Variants in PDZD2 observed in about 807,000 individuals in gnomAD.
The protein encoded by PDZD2 is PDZ domain-containing protein 2.
Under a neutral mutation model 220.7 loss-of-function variants are expected in PDZD2, and 90 were observed. The ratio of observed to expected loss-of-function variants is 0.41; its 90% confidence interval spans 0.34 to 0.49. The LOEUF is 0.49. Ranked by LOEUF, PDZD2 falls within the 20% of genes least tolerant of loss-of-function variation. The probability of loss-of-function intolerance (pLI) is 0.28; values close to 1 mark genes in which losing one functional copy is unlikely to be tolerated. For synonymous variants in PDZD2, 1,375 were observed against 1,450.5 expected (o/e 0.95, Z 1.18); for missense variants, 3,174 against 3,608.5 (o/e 0.88, Z 3.08).
intron 22 of PDZD2, among the ~76,000 whole-genome samples, chr5:32,097,984 T>C (rs949110790): frequency 5.9e-5 from 9 of 152,238 alleles, no homozygotes; most frequent in African/African-American, 2.2e-4. Flanking sequence ...CCCGGCACGG[T>C]GGCTCACGCC....
intron 2 of PDZD2, among the ~76,000 whole-genome samples, chr5:31,933,350 G>T (rs1745466450): frequency 2.0e-5 from 3 of 152,136 alleles, no homozygotes; most frequent in African/African-American, 7.2e-5. Context: ...TGCTTAGATG[G>T]CTTCCACCTT....
At chr5:31,943,693 G>T (rs997833675) in intron 2 of PDZD2, among the ~76,000 whole-genome samples, 3 of 152,230 alleles carry the variant, frequency 2.0e-5, no homozygotes, top group Non-Finnish European at 2.9e-5. Context: ...AGAAGGAAGT[G>T]ATTTGACCAG....
chr5:32,097,163 C>A, intron 21 of PDZD2, 116 bp from the exon 22 acceptor site: 1 of 698,600 alleles, frequency 1.4e-6, no homozygotes, highest in Non-Finnish European at 2.5e-6. Context: ...GGTGAAAAGC[C>A]CCTCCAAGAG....
chr5:31,779,167 C>A (rs965663821), intron 1 of PDZD2, among the ~76,000 whole-genome samples: 1 of 152,102 alleles, frequency 6.6e-6, no homozygotes. Context: ...CTCCCAGCCC[C>A]ACCACTGCAC....
chr5:31,664,507 C>A (rs1745906168), intron 1 of PDZD2, among the ~76,000 whole-genome samples: 1 of 152,006 alleles, frequency 6.6e-6, no homozygotes, highest in African/African-American at 2.4e-5. Flanking sequence ...CACACATACA[C>A]ACACACAGAA....
chr5:31,972,709 C>T (rs983445751), intron 2 of PDZD2, among the ~76,000 whole-genome samples: 2 of 152,154 alleles, frequency 1.3e-5, no homozygotes, highest in African/African-American at 4.8e-5. Context: ...AAATGAGTTC[C>T]TACATATGTG....
intron 1 of PDZD2, among the ~76,000 whole-genome samples, chr5:31,759,322 G>C (rs1482171778): frequency 6.6e-6 from 1 of 152,112 alleles, no homozygotes; most frequent in African/African-American, 2.4e-5. Flanking sequence ...GAGGCTTCGG[G>C]GGGAGTGCAG....
chr5:31,642,673 A>G (rs55648115), intron 1 of PDZD2, among the ~76,000 whole-genome samples: 1 of 152,292 alleles, frequency 6.6e-6, no homozygotes, highest in Non-Finnish European at 1.5e-5. Flanking sequence ...GAGAGTAGAG[A>G]AGCTAGATCA....
At chr5:32,054,158 G>A (rs1469630875) in intron 10 of PDZD2, among the ~76,000 whole-genome samples, 1 of 151,930 alleles carries the variant, frequency 6.6e-6, no homozygotes, top group East Asian at 1.9e-4. Flanking sequence ...TGTCAACTTG[G>A]TCTGATCATG....
rs1159280408 is a variant in PDZD2, at chr5:32,108,555, A to C, written c.*420A>C. The C allele has an allele frequency of 6.7e-6, 1 of 150,348 alleles. No individual in the cohort carries two copies. 9.3% of individuals were successfully genotyped at this position (150,348 alleles called of 1,614,324 possible). ...GGGGGACACAAATGTCACACCTAAG[A>C]GGACAATCAATCATTTTGTATGATT... is the stretch of plus-strand genomic sequence containing the variant. On this transcript the variant is annotated 3_prime_UTR_variant, in exon 25 of 25. Transcript: ENST00000438447.
intron 2 of PDZD2, among the ~76,000 whole-genome samples, chr5:31,893,459 C>T (rs1741248164): frequency 2.0e-5 from 3 of 152,116 alleles, no homozygotes; most frequent in Admixed American, 1.3e-4. Context: ...GTCCCAGCTA[C>T]TCAGGAGGGC....
intron 2 of PDZD2, among the ~76,000 whole-genome samples, chr5:31,853,016 A>T (rs1758149758): frequency 6.6e-6 from 1 of 152,224 alleles, no homozygotes; most frequent in Non-Finnish European, 1.5e-5. Flanking sequence ...TCAGAAAGGA[A>T]GCAAAGGAGC....
At chr5:32,025,182 A>G (rs1754535161) in intron 6 of PDZD2, among the ~76,000 whole-genome samples, 1 of 152,234 alleles carries the variant, frequency 6.6e-6, no homozygotes, top group African/African-American at 2.4e-5. Context: ...AGGAGCTCAT[A>G]TTGATCTGGG....
At chr5:32,046,972 G>A (rs1188856492) in intron 7 of PDZD2, among the ~76,000 whole-genome samples, 1 of 152,090 alleles carries the variant, frequency 6.6e-6, no homozygotes. Context: ...GAACCTGGGA[G>A]GTGGAGGTTG....
Position 32,014,706 on chromosome 5 carries a change from C to CTTTTTTTTTTTTTTTTTTTTTTTTT in PDZD2, c.1407+4228_1407+4252dup, listed in dbSNP as rs556276502. The stretch of plus-strand genomic sequence containing the variant: ...ATTTTCTGCTCTGCAATGACAATTT[C>CTTTTTTTTTTTTTTTTTTTTTTTTT]TTTTTTTTTTTTTTTTTTTTTTTTT... On this transcript the variant is annotated intron_variant, in intron 6 of 24. Transcript: ENST00000438447. 3.1e-4 allele frequency among the ~76,000 whole-genome samples: 30 copies of CTTTTTTTTTTTTTTTTTTTTTTTTT among 95,426 alleles called. 7 individuals carry two copies. The highest frequency in any genetic ancestry group is 1.3e-3 in the African/African-American group (29 of 22,902). 62.6% of individuals were successfully genotyped at this position (95,426 alleles called of 152,430 possible). A position where few individuals can be genotyped will look rare whatever the true frequency, so the allele number is the denominator to read the frequency against.
intron 2 of PDZD2, among the ~76,000 whole-genome samples, chr5:31,839,054 G>T (rs557240850): frequency 6.6e-6 from 1 of 152,316 alleles, no homozygotes; most frequent in East Asian, 1.9e-4. Flanking sequence ...TTGGGTGCCT[G>T]TTCTGCGTAC....
chr5:31,645,158 C>T (rs1745087702), intron 1 of PDZD2, among the ~76,000 whole-genome samples: 1 of 152,114 alleles, frequency 6.6e-6, no homozygotes, highest in Non-Finnish European at 1.5e-5. Flanking sequence ...AATCTCTTGC[C>T]TTCAGGGAGG....
At chr5:31,905,642 CAG>C (rs1193315353) in intron 2 of PDZD2, among the ~76,000 whole-genome samples, 3 of 152,208 alleles carry the variant, frequency 2.0e-5, no homozygotes, top group African/African-American at 7.2e-5. Flanking sequence ...TTTCTCACTA[CAG>C]AGTTAACCTT....
chr5:32,000,420 C>A lies in PDZD2; in HGVS notation c.1254+149C>A. ...TTGAAACAGCCTTGCTTCCACAGGGCAACGCTATATGGAGACCCTTAGCTG... is the reference window on the plus strand; with the variant it reads ...TTGAAACAGCCTTGCTTCCACAGGGAAACGCTATATGGAGACCCTTAGCTG... On this transcript the variant is annotated intron_variant, in intron 5 of 24. Coordinates refer to ENST00000438447, the MANE Select transcript of PDZD2 (RefSeq NM_178140.4). This position sits in a 1 kb window ranked among gnomAD's most constrained non-coding sequence, Gnocchi z 4.5. The A allele has an allele frequency of 1.3e-6, 1 of 793,646 alleles. No individual in the cohort carries two copies. Among genetic ancestry groups the A allele is most frequent in the African/African-American group, 1.7e-5 (1 of 59,082 alleles). 49.2% of individuals were successfully genotyped at this position (793,646 alleles called of 1,614,324 possible).
Sources: allele counts gnomAD v4.1 joint callset (sites outside exome capture counted in the v4.1 genomes callset), GRCh38; gene constraint gnomAD v4.1.1; non-coding constraint Gnocchi (gnomAD v3.1); transcripts MANE v1.5; gene names NCBI Gene and HGNC (gene_info 2026-07-23, HGNC 2026-07-21).